DNAAF9: variants seen among roughly 807,000 people sequenced by gnomAD.
DNAAF9 encodes the protein dynein axonemal assembly factor 9, also known as shulin.
A neutral mutation model predicts 167.0 loss-of-function variants in DNAAF9; 90 were observed. The observed-to-expected ratio is 0.54, with a 90% CI of 0.45 to 0.64. DNAAF9 has a LOEUF of 0.64. DNAAF9 is among the 30% of genes least tolerant of loss of function. DNAAF9 has a pLI of 0.00. For missense variants in DNAAF9, 1,315 were observed against 1,442.2 expected, an observed-to-expected ratio of 0.91 and a Z score of 1.43; for synonymous variants, 491 against 508.8, an observed-to-expected ratio of 0.96 and a Z score of 0.47.
At chr20:3,287,214 G>A (rs1043068020) in intron 27 of DNAAF9, among the ~76,000 whole-genome samples, 1 of 152,114 alleles carries the variant, frequency 6.6e-6, no homozygotes, top group Non-Finnish European at 1.5e-5. Flanking sequence ...AACTCTCCTG[G>A]GCCACAATCC....
At position 3,270,412 on chromosome 20, in the gene DNAAF9, G is replaced by GA. The variant is rs2068572846; in HGVS notation, c.2786+14dup. 6.2e-7 allele frequency: 1 copy of GA among 1,611,992 alleles called. No individual in the cohort carries two copies. Among genetic ancestry groups the GA allele is most frequent in the Non-Finnish European group, 8.5e-7 (1 of 1,178,272 alleles). On this transcript the variant is annotated intron_variant, in intron 30 of 36. Coordinates refer to ENST00000252032, the MANE Select transcript of DNAAF9 (RefSeq NM_001009984.3). ...GAGAAAGCAACTGGTCTTGCAGAGT[G>GA]AATCTATAGATTACCTGGTGACAAT... is the stretch of plus-strand genomic sequence containing the variant.
chr20:3,378,876 G>A lies in DNAAF9; in HGVS notation c.283+2503C>T, dbSNP rs147213955. 3.4e-3 allele frequency among the ~76,000 whole-genome samples: 504 copies of A among 147,752 alleles called. 15 individuals are homozygous for A. The highest frequency in any genetic ancestry group is 2.0e-3 in the Non-Finnish European group (130 of 65,330). ...TTAAGCCACTCTAAGCCCCATGCCTGTAAGGCCCAGGGTGTTCCAGGGAAC... is the reference window on the plus strand; with the variant it reads ...TTAAGCCACTCTAAGCCCCATGCCTATAAGGCCCAGGGTGTTCCAGGGAAC... On this transcript the variant is annotated intron_variant, in intron 3 of 36. Coordinates refer to ENST00000252032, the MANE Select transcript of DNAAF9 (RefSeq NM_001009984.3).
intron 10 of DNAAF9, among the ~76,000 whole-genome samples, chr20:3,336,536 T>C (rs1047726700): frequency 2.0e-5 from 3 of 152,060 alleles, no homozygotes; most frequent in African/African-American, 7.2e-5. Context: ...ACTGAGTTTT[T>C]AAATTTGACT....
At position 3,273,322 on chromosome 20, in the gene DNAAF9, G is replaced by A. The variant is rs191610872; in HGVS notation, c.2651-2760C>T. Among the ~76,000 whole-genome samples, 231 of 152,292 alleles carry A rather than the reference G, an allele frequency of 1.5e-3. 2 individuals are homozygous for A. Among genetic ancestry groups the A allele is most frequent in the African/African-American group, 4.4e-3 (181 of 41,568 alleles). On this transcript the variant is annotated intron_variant, in intron 29 of 36. Coordinates refer to ENST00000252032, the MANE Select transcript of DNAAF9 (RefSeq NM_001009984.3). Reference sequence around the variant, plus strand: ...TTAGCTGTATTCAGTTATTGAGGGCGAAACTCAGAACATATAGAAAGTGTG... The same window carrying A: ...TTAGCTGTATTCAGTTATTGAGGGCAAAACTCAGAACATATAGAAAGTGTG...
At chr20:3,273,556 C>A (rs1358559733) in intron 29 of DNAAF9, among the ~76,000 whole-genome samples, 1 of 151,146 alleles carries the variant, frequency 6.6e-6, no homozygotes, top group Non-Finnish European at 1.5e-5. Context: ...CAAGAAGGGG[C>A]GGGGGAGGTG....
chr20:3,393,417 T>G (rs1033008382), intron 1 of DNAAF9, among the ~76,000 whole-genome samples: 24 of 151,824 alleles, frequency 1.6e-4, no homozygotes, highest in Non-Finnish European at 4.4e-5. Context: ...GAGGCTGAGG[T>G]GTGGAGACTG....
At chr20:3,341,948 T>C (rs1193363531) in intron 9 of DNAAF9, among the ~76,000 whole-genome samples, 2 of 152,110 alleles carry the variant, frequency 1.3e-5, no homozygotes, top group Admixed American at 1.3e-4. Flanking sequence ...TGGCTAATTT[T>C]TTGTATTTTT....
At chr20:3,378,678 A>G (rs900068783) in intron 3 of DNAAF9, among the ~76,000 whole-genome samples, 1 of 152,166 alleles carries the variant, frequency 6.6e-6, no homozygotes, top group Non-Finnish European at 1.5e-5. Flanking sequence ...AGAAAGGCAC[A>G]CGCATAGGGG....
chr20:3,268,186 G>A (rs543963792), intron 30 of DNAAF9, among the ~76,000 whole-genome samples: 2 of 151,762 alleles, frequency 1.3e-5, no homozygotes, highest in South Asian at 2.1e-4. Flanking sequence ...CTGGCACCAC[G>A]CCTGGCCAAT....
At chr20:3,294,678 A>T (rs761657659) in intron 23 of DNAAF9, 49 bp from the exon 24 acceptor site, 7 of 1,240,580 alleles carry the variant, frequency 5.6e-6, no homozygotes, top group Non-Finnish European at 8.3e-6. Flanking sequence ...CCTTCAGCAT[A>T]TACACTTTAC....
chr20:3,395,393 G>C (rs148092218), intron 1 of DNAAF9, among the ~76,000 whole-genome samples: 5,770 of 151,918 alleles, frequency 0.038, 148 homozygotes, highest in Middle Eastern at 0.078. Context: ...CAATTCTCAT[G>C]CCTCAGCTTC....
chr20:3,354,685 CAT>C (rs1185947873), intron 7 of DNAAF9, among the ~76,000 whole-genome samples: 4 of 152,224 alleles, frequency 2.6e-5, no homozygotes, highest in South Asian at 2.1e-4. Flanking sequence ...GATTACCACA[CAT>C]GACTCCTCTA....
intron 1 of DNAAF9, among the ~76,000 whole-genome samples, chr20:3,386,946 A>T (rs2083749484): frequency 6.6e-6 from 1 of 152,220 alleles, no homozygotes; most frequent in African/African-American, 2.4e-5. Context: ...AAAATGAAAA[A>T]CAGTGACTAC....
intron 1 of DNAAF9, among the ~76,000 whole-genome samples, chr20:3,387,779 T>C (rs1386113038): frequency 2.0e-5 from 3 of 150,744 alleles, no homozygotes; most frequent in South Asian, 2.1e-4. Context: ...AGGTGGTTCA[T>C]GCCTGTAATC....
At chr20:3,285,459 A>C (rs1223248911) in intron 27 of DNAAF9, among the ~76,000 whole-genome samples, 1 of 152,158 alleles carries the variant, frequency 6.6e-6, no homozygotes, top group Non-Finnish European at 1.5e-5. Context: ...CAGGCGGATC[A>C]CTTGAGGTCA....
At chr20:3,371,590 G>A (rs894727197) in intron 6 of DNAAF9, among the ~76,000 whole-genome samples, 7 of 151,980 alleles carry the variant, frequency 4.6e-5, no homozygotes, top group East Asian at 3.9e-4. Flanking sequence ...TGATCCGCCC[G>A]CCTCGGCCTC....
chr20:3,303,297 T>C (rs2069227046), intron 21 of DNAAF9, among the ~76,000 whole-genome samples: 1 of 152,026 alleles, frequency 6.6e-6, no homozygotes, highest in Non-Finnish European at 1.5e-5. Flanking sequence ...TCCTTTAGAA[T>C]TTCTTGTATT....
intron 6 of DNAAF9, among the ~76,000 whole-genome samples, chr20:3,371,333 CTTTTTT>C (rs532202424): frequency 4.8e-5 from 4 of 84,080 alleles, no homozygotes; most frequent in South Asian, 5.2e-4. Context: ...TGAAGAAAAT[CTTTTTT>C]TTTTTTTTTT....
chr20:3,382,733 T>C lies in DNAAF9; in HGVS notation c.84-227A>G, dbSNP rs760400988. Among the ~76,000 whole-genome samples the C allele has an allele frequency of 4.1e-4, 63 of 152,324 alleles. 1 individual carries two copies. The Middle Eastern group carries it at 0.017, about 41-fold the overall frequency. ...GCAGAACTGGTCTGAAGACTAAGTC[T>C]GACCTGCTGATTACGAACTCCTCAA... On this transcript the variant is annotated intron_variant, in intron 1 of 36. Coordinates refer to ENST00000252032, the MANE Select transcript of DNAAF9 (RefSeq NM_001009984.3).
Sources: gnomAD v4.1 joint callset for allele counts (sites outside exome capture counted in the v4.1 genomes callset) on GRCh38, gnomAD v4.1.1 for gene constraint, MANE v1.5 for transcripts, NCBI Gene and HGNC (gene_info 2026-07-23, HGNC 2026-07-21) for gene names.